Variants in SMYD4 observed in about 807,000 individuals in gnomAD.
SMYD4 encodes protein-lysine N-methyltransferase SMYD4.
Under a neutral mutation model 72.8 loss-of-function variants are expected in SMYD4, and 68 were observed. The ratio of observed to expected loss-of-function variants is 0.93; its 90% confidence interval spans 0.77 to 1.14. The LOEUF (loss-of-function observed/expected upper bound fraction) is 1.14, where lower values mean the gene tolerates loss of function less well. SMYD4 is among the 50% of genes most tolerant of loss of function. SMYD4 has a pLI of 0.00. For synonymous variants in SMYD4, 407 were observed against 388.6 expected (o/e 1.05, Z -0.56); for missense variants, 984 against 1,003.7 (o/e 0.98, Z 0.27).
Position 1,812,677 on chromosome 17 carries a change from T to G in SMYD4, c.135-562A>C, listed in dbSNP as rs371967383. Among the ~76,000 whole-genome samples the G allele has an allele frequency of 6.1e-5, 9 of 147,540 alleles. No homozygotes were observed. The South Asian group carries it at 2.0e-3, about 33-fold the overall frequency. On this transcript the variant is annotated intron_variant, in intron 2 of 10. Coordinates refer to ENST00000305513, the MANE Select transcript of SMYD4 (RefSeq NM_052928.3). Reference sequence around the variant, plus strand: ...GATTCTCCTGCCTCAGCCTCCTGAATAGGTGGGATTACAGGCGCCCATCAC... The same window carrying G: ...GATTCTCCTGCCTCAGCCTCCTGAAGAGGTGGGATTACAGGCGCCCATCAC...
chr17:1,784,488 C>T, intron 7 of SMYD4, 27 bp from the exon 8 acceptor site: 2 of 1,613,420 alleles, frequency 1.2e-6, no homozygotes, highest in Non-Finnish European at 8.5e-7. Context: ...TCTCTTTATT[C>T]CAATGCCAGG....
intron 2 of SMYD4, among the ~76,000 whole-genome samples, chr17:1,821,280 CGAG>C (rs954182483): frequency 1.2e-3 from 182 of 151,980 alleles, no homozygotes; most frequent in African/African-American, 4.1e-3. Flanking sequence ...TTTGGGAGGC[CGAG>C]GAGGGTGGAT....
At position 1,827,996 on chromosome 17, in the gene SMYD4, C is replaced by A; in HGVS notation, c.-2G>T. 1 of 1,606,866 alleles carries A rather than the reference C, an allele frequency of 6.2e-7. No homozygotes were observed. The highest frequency in any genetic ancestry group is 8.5e-7 in the Non-Finnish European group (1 of 1,174,150). ...CCATTCATCCACAGGCAGATCCATG[C>A]TGCTTTTGATCTATAAAATGAGTAA... On this transcript the variant is annotated 5_prime_UTR_variant, in exon 2 of 11. Coordinates refer to ENST00000305513, the MANE Select transcript of SMYD4 (RefSeq NM_052928.3).
chr17:1,814,208 G>C (rs2151247412), intron 2 of SMYD4, among the ~76,000 whole-genome samples: 1 of 152,228 alleles, frequency 6.6e-6, no homozygotes, highest in African/African-American at 2.4e-5. Context: ...GGGAGGCTGA[G>C]GTGGGAGGAC....
intron 2 of SMYD4, among the ~76,000 whole-genome samples, chr17:1,820,309 A>C (rs148024572): frequency 5.9e-5 from 9 of 152,122 alleles, no homozygotes; most frequent in African/African-American, 2.2e-4. Context: ...GTACCATCAT[A>C]GCTCACGACA....
At chr17:1,822,081 T>C (rs573485561) in intron 2 of SMYD4, among the ~76,000 whole-genome samples, 1 of 151,578 alleles carries the variant, frequency 6.6e-6, no homozygotes, top group Admixed American at 6.6e-5. Context: ...AAAAATTATA[T>C]ATTTTAGGCA....
intron 3 of SMYD4, among the ~76,000 whole-genome samples, chr17:1,805,000 C>T (rs191232037): frequency 3.0e-3 from 459 of 152,182 alleles, no homozygotes; most frequent in Non-Finnish European, 3.7e-3. Context: ...TATCCTACAA[C>T]CTGAATATAA....
intron 5 of SMYD4, among the ~76,000 whole-genome samples, chr17:1,796,317 T>TTTC (rs1314184290): frequency 6.7e-6 from 1 of 149,294 alleles, no homozygotes; most frequent in Non-Finnish European, 1.5e-5. Context: ...TTTTTTTTTT[T>TTTC]GTAGAGATGG....
At chr17:1,827,720 G>A (rs112741053) in intron 2 of SMYD4, 141 bp downstream of exon 2, 23 of 1,165,034 alleles carry the variant, frequency 2.0e-5, no homozygotes, top group Non-Finnish European at 2.6e-5. Context: ...AGGATTGCTT[G>A]AGCCCAGAAA....
intron 5 of SMYD4, 38 bp downstream of exon 5, chr17:1,799,819 A>C (rs747666301): frequency 2.0e-6 from 3 of 1,499,484 alleles, no homozygotes; most frequent in Non-Finnish European, 1.8e-6. Flanking sequence ...TCCATCGAGA[A>C]CAATATTGAA....
At chr17:1,803,778 C>T (rs548528188) in intron 4 of SMYD4, among the ~76,000 whole-genome samples, 10 of 152,072 alleles carry the variant, frequency 6.6e-5, no homozygotes, top group East Asian at 1.9e-4. Flanking sequence ...GGATTACAGG[C>T]GTGAACCACC....
intron 4 of SMYD4, 52 bp from the exon 5 acceptor site, chr17:1,801,076 GT>G: frequency 6.7e-7 from 1 of 1,491,138 alleles, no homozygotes; most frequent in Middle Eastern, 1.9e-4. Flanking sequence ...ATTCTTCAAT[GT>G]TTACTGAAAA....
chr17:1,815,752 T>G (rs1597393533), intron 2 of SMYD4, among the ~76,000 whole-genome samples: 3 of 150,804 alleles, frequency 2.0e-5, no homozygotes, highest in African/African-American at 4.9e-5. Flanking sequence ...GAGGCTGGAG[T>G]GCAATGGTGT....
At chr17:1,786,996 C>G (rs1908729015) in intron 6 of SMYD4, 23 bp from the exon 7 acceptor site, 2 of 1,567,352 alleles carry the variant, frequency 1.3e-6, no homozygotes, top group Non-Finnish European at 1.7e-6. Flanking sequence ...CACCGTCAGC[C>G]AATATTGAAA....
intron 5 of SMYD4, among the ~76,000 whole-genome samples, chr17:1,794,530 C>T (rs920763007): frequency 6.6e-6 from 1 of 151,398 alleles, no homozygotes; most frequent in Non-Finnish European, 1.5e-5. Context: ...TTTTAAAAAG[C>T]CTCTCCCACC....
chr17:1,812,494 T>C (rs1461296047), intron 2 of SMYD4, among the ~76,000 whole-genome samples: 2 of 150,146 alleles, frequency 1.3e-5, no homozygotes, highest in Admixed American at 1.3e-4. Flanking sequence ...GGTTTTGCCA[T>C]GTTGCCCAGG....
intron 5 of SMYD4, among the ~76,000 whole-genome samples, chr17:1,794,021 G>A (rs11657512): frequency 0.34 from 18,309 of 54,326 alleles, 2,692 homozygotes; most frequent in Non-Finnish European, 0.41. Flanking sequence ...ATATATATAT[G>A]TGTGTATATA....
chr17:1,801,663 C>G (rs1035946826), intron 4 of SMYD4, among the ~76,000 whole-genome samples: 3 of 148,922 alleles, frequency 2.0e-5, no homozygotes, highest in African/African-American at 7.4e-5. Context: ...GGCTTTGAGT[C>G]CAAGCAGACC....
chr17:1,827,871 AAG>A lies in SMYD4; in HGVS notation c.122_123del (p.Ser41PhefsTer6). On this transcript the variant is annotated frameshift_variant, in exon 2 of 11. Coordinates refer to ENST00000305513, the MANE Select transcript of SMYD4 (RefSeq NM_052928.3). LOFTEE classifies it high-confidence loss of function. ...GCTTGATTTACTTACTGAAGAAGTG[AAG>A]AGGAGTGAAGAAAGATATCCCTCAA... ...ETLRDIFLHS[S>X]SLLQPEDELF... 6.2e-7 allele frequency: 1 copy of A among 1,605,098 alleles called. No individual in the cohort carries two copies. The highest frequency in any genetic ancestry group is 8.5e-7 in the Non-Finnish European group (1 of 1,172,294).
Sources: allele counts gnomAD v4.1 joint callset (sites outside exome capture counted in the v4.1 genomes callset), GRCh38; gene constraint gnomAD v4.1.1; transcripts MANE v1.5; gene names NCBI Gene and HGNC (gene_info 2026-07-23, HGNC 2026-07-21).